The following CHST11 variants were observed in gnomAD, a reference collection of about 807,000 sequenced individuals.
CHST11 encodes the protein C4S-1.
CHST11 carries 9 observed loss-of-function variants against 30.4 expected under a neutral mutation model. That is an observed-to-expected ratio of 0.30 (90% CI 0.18 to 0.52). The LOEUF is 0.52. CHST11 is among the 20% of genes least tolerant of loss of function. The probability of loss-of-function intolerance (pLI) is 0.97; values close to 1 mark genes in which losing one functional copy is unlikely to be tolerated. For synonymous variants in CHST11, 152 were observed against 187.8 expected, an observed-to-expected ratio of 0.81 and a Z score of 1.56; for missense variants, 348 against 460.6, an observed-to-expected ratio of 0.76 and a Z score of 2.24.
intron 2 of CHST11, among the ~76,000 whole-genome samples, chr12:104,641,295 A>T (rs1298480348): frequency 6.6e-6 from 1 of 152,234 alleles, no homozygotes. Flanking sequence ...CACATGGACC[A>T]TCCACTGAGC....
intron 1 of CHST11, among the ~76,000 whole-genome samples, chr12:104,565,258 ATTTTTTTTT>A (rs66825272): frequency 0.011 from 792 of 72,972 alleles, 7 homozygotes; most frequent in Middle Eastern, 0.048. Context: ...GTTTTCTAGG[ATTTTTTTTT>A]TTTTTTTTTT....
chr12:104,751,813 A>G (rs1383655895), intron 2 of CHST11, among the ~76,000 whole-genome samples: 1 of 152,212 alleles, frequency 6.6e-6, no homozygotes, highest in Non-Finnish European at 1.5e-5. Flanking sequence ...TCAGAAGGGT[A>G]AGGCTCTTGC....
At chr12:104,692,720 G>A (rs1285380074) in intron 2 of CHST11, among the ~76,000 whole-genome samples, 2 of 152,036 alleles carry the variant, frequency 1.3e-5, no homozygotes. Context: ...CATATCAGTG[G>A]CCTCATAAGA....
At chr12:104,663,777 C>T (rs2039618505) in intron 2 of CHST11, among the ~76,000 whole-genome samples, 2 of 152,196 alleles carry the variant, frequency 1.3e-5, no homozygotes, top group African/African-American at 4.8e-5. Flanking sequence ...GAATGCCCTT[C>T]CCCCTTTCTT....
intron 2 of CHST11, among the ~76,000 whole-genome samples, chr12:104,622,094 G>A (rs1039267166): frequency 5.9e-5 from 9 of 152,184 alleles, no homozygotes; most frequent in South Asian, 2.1e-4. Flanking sequence ...CTTACATACC[G>A]GCAGGGAATA....
chr12:104,696,284 A>G (rs1414538373), intron 2 of CHST11, among the ~76,000 whole-genome samples: 3 of 152,104 alleles, frequency 2.0e-5, no homozygotes, highest in African/African-American at 7.2e-5. Context: ...TGAATTCACA[A>G]ATGTAACATT....
At chr12:104,585,172 A>G (rs571099868) in intron 1 of CHST11, among the ~76,000 whole-genome samples, 2 of 152,308 alleles carry the variant, frequency 1.3e-5, no homozygotes, top group East Asian at 3.9e-4. Context: ...CTTTCCAGCT[A>G]TCTTTGCTTC....
intron 1 of CHST11, among the ~76,000 whole-genome samples, chr12:104,565,865 C>A (rs2038560111): frequency 6.6e-6 from 1 of 152,214 alleles, no homozygotes; most frequent in Non-Finnish European, 1.5e-5. Context: ...CTGTGTACCA[C>A]TTTCTCCCTG....
intron 1 of CHST11, among the ~76,000 whole-genome samples, chr12:104,533,518 G>A: frequency 6.6e-6 from 1 of 152,136 alleles, no homozygotes; most frequent in Non-Finnish European, 1.5e-5. Flanking sequence ...CTAAAATGGA[G>A]ACTTTTCAAG....
intron 1 of CHST11, among the ~76,000 whole-genome samples, chr12:104,587,870 C>T: frequency 7.3e-6 from 1 of 136,312 alleles, no homozygotes; most frequent in Non-Finnish European, 1.5e-5. Context: ...GATGGAGTCT[C>T]ACTCTGTCAC....
rs1388495118 is a variant in CHST11, at chr12:104,686,236, A to AAAAAAAAAG, written c.205-70705_205-70704insGAAAAAAAA. ...ACAAAGGGAGAACTCACCTCTTAAAAAAAAAAAAAAAAAGACAACATAGTG... is the reference window on the plus strand; with the variant it reads ...ACAAAGGGAGAACTCACCTCTTAAAAAAAAAAAAGAAAAAAAAAAAAAGACAACATAGTG... On this transcript the variant is annotated intron_variant, in intron 2 of 2. Coordinates refer to ENST00000303694, the MANE Select transcript of CHST11 (RefSeq NM_018413.6). Among the ~76,000 whole-genome samples the AAAAAAAAAG allele has an allele frequency of 2.7e-5, 4 of 150,228 alleles. No homozygotes were observed. In the East Asian group the frequency reaches 5.8e-4, roughly 22 times the overall value.
At chr12:104,748,610 G>A (rs559607615) in intron 2 of CHST11, among the ~76,000 whole-genome samples, 6 of 152,150 alleles carry the variant, frequency 3.9e-5, no homozygotes, top group Non-Finnish European at 7.4e-5. Context: ...AGAGATGGCC[G>A]TGTGAGAAGG....
intron 2 of CHST11, among the ~76,000 whole-genome samples, chr12:104,749,556 T>A (rs761699277): frequency 4.6e-5 from 7 of 152,264 alleles, no homozygotes; most frequent in Non-Finnish European, 8.8e-5. Context: ...GTCCTTTCTT[T>A]GTAAAATTGA....
chr12:104,618,041 T>C (rs1399680041), intron 2 of CHST11, among the ~76,000 whole-genome samples: 1 of 151,780 alleles, frequency 6.6e-6, no homozygotes, highest in African/African-American at 2.4e-5. Context: ...CCCGAGTAGC[T>C]GGGATTACAG....
At chr12:104,575,518 G>A (rs114710351) in intron 1 of CHST11, among the ~76,000 whole-genome samples, 1 of 152,198 alleles carries the variant, frequency 6.6e-6, no homozygotes, top group Non-Finnish European at 1.5e-5. Flanking sequence ...GATAATCCGG[G>A]TGAAGGGGGT....
Position 104,757,984 on chromosome 12 carries a change from A to T in CHST11, c.*181A>T. The T allele has an allele frequency of 1.5e-6, 1 of 673,464 alleles. No individual in the cohort carries two copies. Among genetic ancestry groups the T allele is most frequent in the South Asian group, 2.0e-5 (1 of 49,458 alleles). The allele number at this position is 673,464 out of a possible 1,614,324, so 41.7% of individuals were successfully genotyped here. A position where few individuals can be genotyped will look rare whatever the true frequency, so the allele number is the denominator to read the frequency against. On this transcript the variant is annotated 3_prime_UTR_variant, in exon 3 of 3. Coordinates refer to ENST00000303694, the MANE Select transcript of CHST11 (RefSeq NM_018413.6). This position sits in a 1 kb window ranked among gnomAD's most constrained non-coding sequence, Gnocchi z 6.5. ...GAAGGACAGCTGTCTTTGCAGGGGA[A>T]ATAGGATGGGTCGTCCTTGTCTGTA...
intron 1 of CHST11, among the ~76,000 whole-genome samples, chr12:104,476,833 G>C (rs1406163442): frequency 6.6e-6 from 1 of 151,210 alleles, no homozygotes; most frequent in East Asian, 1.9e-4. Flanking sequence ...TGCTTGCATT[G>C]AGTTTTTGGT....
At chr12:104,544,680 C>G (rs1365167251) in intron 1 of CHST11, among the ~76,000 whole-genome samples, 2 of 137,248 alleles carry the variant, frequency 1.5e-5, no homozygotes, top group East Asian at 5.0e-4. Flanking sequence ...GCACTCCAGC[C>G]TGGGTGACAG....
At chr12:104,691,048 C>T (rs768909328) in intron 2 of CHST11, among the ~76,000 whole-genome samples, 1 of 152,104 alleles carries the variant, frequency 6.6e-6, no homozygotes, top group Non-Finnish European at 1.5e-5. Context: ...AGACTCTTAC[C>T]ATCTTCTTTC....
Sources: gnomAD v4.1 joint callset for allele counts (sites outside exome capture counted in the v4.1 genomes callset) on GRCh38, gnomAD v4.1.1 for gene constraint, Gnocchi (gnomAD v3.1) non-coding constraint, MANE v1.5 for transcripts, NCBI Gene and HGNC (gene_info 2026-07-23, HGNC 2026-07-21) for gene names.